The following CSMD1 variants were observed in gnomAD, a reference collection of about 807,000 sequenced individuals.
CSMD1 encodes the protein CUB and sushi domain-containing protein 1.
In CSMD1, 213 loss-of-function variants were observed where a neutral mutation model predicts 417.5. The ratio of observed to expected loss-of-function variants is 0.51; its 90% CI spans 0.46 to 0.57. The LOEUF is 0.57. CSMD1 is among the 20% of genes least tolerant of loss of function. CSMD1 has a pLI of 0.00. For synonymous variants in CSMD1, 2,862 were observed against 1,736.8 expected, an observed-to-expected ratio of 1.65 and a Z score of -16.11; for missense variants, 6,923 against 4,529.7, an observed-to-expected ratio of 1.53 and a Z score of -15.17.
chr8:4,811,540 C>A (rs111596834), intron 1 of CSMD1, among the ~76,000 whole-genome samples: 15 of 152,072 alleles, frequency 9.9e-5, no homozygotes, highest in Admixed American at 6.6e-4. Context: ...AGAGGTATTT[C>A]CCAATATTGA....
rs578029198 is a variant in CSMD1, at chr8:3,688,302, G to C, written c.1009+20112C>G. 1.2e-3 allele frequency among the ~76,000 whole-genome samples: 181 copies of C among 152,208 alleles called. 1 individual carries two copies. The highest frequency in any genetic ancestry group is 1.1e-3 in the Non-Finnish European group (75 of 68,010). ...AAACGGACTATAATAGAGGTGTAAA[G>C]GACCAATTTTAAATGTGCTAAGCCT... On this transcript the variant is annotated intron_variant, in intron 7 of 69. Coordinates refer to ENST00000635120, the MANE Select transcript of CSMD1 (RefSeq NM_033225.6).
intron 3 of CSMD1, among the ~76,000 whole-genome samples, chr8:4,289,919 G>T (rs763802481): frequency 1.3e-5 from 2 of 152,206 alleles, no homozygotes; most frequent in African/African-American, 4.8e-5. Context: ...CTGAGTGCAA[G>T]TGAGTAATTA....
At chr8:3,889,645 C>T (rs11779342) in intron 5 of CSMD1, among the ~76,000 whole-genome samples, 78,079 of 150,072 alleles carry the variant, frequency 0.52, 23,183 homozygotes, top group Admixed American at 0.66. Flanking sequence ...AATCAAGATA[C>T]TGGAAGTTGG....
intron 3 of CSMD1, among the ~76,000 whole-genome samples, chr8:4,272,114 T>G (rs545267325): frequency 2.0e-5 from 3 of 151,802 alleles, no homozygotes; most frequent in East Asian, 3.9e-4. Flanking sequence ...CTGTCAGGGG[T>G]GTGTGTGTGT....
At chr8:4,933,282 C>A (rs1807375844) in intron 1 of CSMD1, among the ~76,000 whole-genome samples, 1 of 152,116 alleles carries the variant, frequency 6.6e-6, no homozygotes. Context: ...CAGCAACATT[C>A]TCTCAGAGGA....
chr8:3,562,503 C>A (rs1374695847), intron 10 of CSMD1, among the ~76,000 whole-genome samples: 1 of 152,010 alleles, frequency 6.6e-6, no homozygotes, highest in East Asian at 1.9e-4. Flanking sequence ...CAGATGAGTG[C>A]CACAGCAATC....
intron 50 of CSMD1, among the ~76,000 whole-genome samples, chr8:3,035,195 C>G (rs1351135047): frequency 6.6e-6 from 1 of 152,156 alleles, no homozygotes; most frequent in Non-Finnish European, 1.5e-5. Context: ...TACCTGCCAG[C>G]ACTCCCCAGT....
chr8:4,694,399 T>C (rs926087563), intron 1 of CSMD1, among the ~76,000 whole-genome samples: 2 of 152,084 alleles, frequency 1.3e-5, no homozygotes, highest in African/African-American at 4.8e-5. Context: ...TCGCCCAGGC[T>C]AGAGTGCAGT....
intron 3 of CSMD1, among the ~76,000 whole-genome samples, chr8:4,276,507 G>A (rs1340619845): frequency 6.6e-6 from 1 of 152,036 alleles, no homozygotes; most frequent in Non-Finnish European, 1.5e-5. Flanking sequence ...CGGGTTAGTG[G>A]GTGCAGCAAA....
At chr8:4,992,424 C>T (rs1563947919) in intron 1 of CSMD1, among the ~76,000 whole-genome samples, 2 of 152,330 alleles carry the variant, frequency 1.3e-5, no homozygotes, top group Non-Finnish European at 2.9e-5. Flanking sequence ...AGCTCAGAGG[C>T]TGAGTTGCCT....
chr8:3,504,023 G>A (rs972580739), intron 10 of CSMD1, among the ~76,000 whole-genome samples: 9 of 152,086 alleles, frequency 5.9e-5, no homozygotes, highest in South Asian at 4.1e-4. Context: ...TCCAGTGTTC[G>A]ACAGCACTGC....
intron 3 of CSMD1, among the ~76,000 whole-genome samples, chr8:4,071,562 A>C (rs1411559296): frequency 6.6e-6 from 1 of 152,138 alleles, no homozygotes; most frequent in Non-Finnish European, 1.5e-5. Flanking sequence ...TTCTCCGCTA[A>C]TTCCAACATC....
At chr8:4,354,278 G>A (rs1299941157) in intron 3 of CSMD1, among the ~76,000 whole-genome samples, 1 of 146,170 alleles carries the variant, frequency 6.8e-6, no homozygotes, top group East Asian at 2.0e-4. Flanking sequence ...TTATGACAAA[G>A]TAACCAAGTT....
rs548586324 is a variant in CSMD1, at chr8:3,889,186, C to T, written c.818+108717G>A. On this transcript the variant is annotated intron_variant, in intron 5 of 69. Coordinates refer to ENST00000635120, the MANE Select transcript of CSMD1 (RefSeq NM_033225.6). ...AAATGAAGTGTGACGATGCAAGATT[C>T]GAACAAGACTAACTTAGCAGCAGCA... is the stretch of plus-strand genomic sequence containing the variant. Among the ~76,000 whole-genome samples, 320 of 151,468 alleles carry T rather than the reference C, an allele frequency of 2.1e-3. 1 individual carries two copies. The highest frequency in any genetic ancestry group is 7.3e-3 in the African/African-American group (302 of 41,302).
At chr8:3,911,363 C>A (rs1055488176) in intron 5 of CSMD1, among the ~76,000 whole-genome samples, 10 of 151,204 alleles carry the variant, frequency 6.6e-5, no homozygotes, top group African/African-American at 1.7e-4. Context: ...CCCATCTCTA[C>A]TAAAAATACA....
At chr8:4,781,040 G>T (rs557120120) in intron 1 of CSMD1, among the ~76,000 whole-genome samples, 1 of 152,126 alleles carries the variant, frequency 6.6e-6, no homozygotes, top group East Asian at 1.9e-4. Context: ...AGCTTTTCCT[G>T]CTTCTGAACC....
chr8:4,273,205 C>G (rs1434342275), intron 3 of CSMD1, among the ~76,000 whole-genome samples: 3 of 152,108 alleles, frequency 2.0e-5, no homozygotes, highest in African/African-American at 7.2e-5. Flanking sequence ...AGAATATACA[C>G]TTGAATGACA....
intron 3 of CSMD1, among the ~76,000 whole-genome samples, chr8:4,168,936 C>G (rs896151333): frequency 2.0e-5 from 3 of 152,136 alleles, no homozygotes; most frequent in African/African-American, 7.2e-5. Flanking sequence ...TTAACCTTGG[C>G]CTTTGAGGTA....
intron 6 of CSMD1, among the ~76,000 whole-genome samples, chr8:3,712,458 C>T (rs1000733200): frequency 6.7e-6 from 1 of 150,018 alleles, no homozygotes; most frequent in Non-Finnish European, 1.5e-5. Context: ...GAGAGAGAAA[C>T]TAGAGCTGCA....
Sources: allele counts gnomAD v4.1 joint callset (sites outside exome capture counted in the v4.1 genomes callset), GRCh38; gene constraint gnomAD v4.1.1; transcripts MANE v1.5; gene names NCBI Gene and HGNC (gene_info 2026-07-23, HGNC 2026-07-21).